PLCL2: variants seen among roughly 807,000 people sequenced by gnomAD.
The protein encoded by PLCL2 is inactive phospholipase C-like protein 2.
A neutral mutation model predicts 79.6 loss-of-function variants in PLCL2; 4 were observed. The ratio of observed to expected loss-of-function variants is 0.05; its 90% CI spans 0.02 to 0.11. PLCL2 has a LOEUF of 0.11. Among genes scored for constraint, PLCL2 ranks in the 10% least tolerant of loss-of-function variants. The pLI is 1.00. For synonymous variants in PLCL2, 484 were observed against 457.7 expected (o/e 1.06, Z -0.73); for missense variants, 895 against 1,291.0 (o/e 0.69, Z 4.70).
intron 3 of PLCL2, among the ~76,000 whole-genome samples, chr3:17,030,398 A>T (rs1413740551): frequency 6.6e-6 from 1 of 152,214 alleles, no homozygotes; most frequent in Non-Finnish European, 1.5e-5. Context: ...TGAAGCTTGA[A>T]GACCTTTGTG....
chr3:16,906,330 G>A lies in PLCL2; in HGVS notation c.327+20964G>A, dbSNP rs192761136. Among the ~76,000 whole-genome samples, 7 of 152,230 alleles carry A rather than the reference G, an allele frequency of 4.6e-5. No homozygotes were observed. In the East Asian group the frequency reaches 9.6e-4, roughly 21 times the overall value. ...TATAAGGAAGATGTGGAATATACAA[G>A]CGAATATGTTCTTTTTACTCTCAAT... On this transcript the variant is annotated intron_variant, in intron 1 of 5. Transcript: ENST00000615277.
chr3:16,950,028 CA>C (rs2063636180), intron 1 of PLCL2, among the ~76,000 whole-genome samples: 1 of 152,162 alleles, frequency 6.6e-6, no homozygotes. Context: ...GTACCAGTAT[CA>C]TGATGTTTTA....
At chr3:16,968,137 G>A (rs2063824589) in intron 1 of PLCL2, among the ~76,000 whole-genome samples, 2 of 152,076 alleles carry the variant, frequency 1.3e-5, no homozygotes, top group African/African-American at 2.4e-5. Flanking sequence ...AAGACAGCCA[G>A]TACCATGCTG....
chr3:17,002,823 A>C (rs1206790470), intron 1 of PLCL2, among the ~76,000 whole-genome samples: 1 of 151,802 alleles, frequency 6.6e-6, no homozygotes, highest in Non-Finnish European at 1.5e-5. Flanking sequence ...CATTTGGATA[A>C]TTTCTATTGA....
At chr3:16,950,364 T>C (rs996117355) in intron 1 of PLCL2, among the ~76,000 whole-genome samples, 2 of 152,176 alleles carry the variant, frequency 1.3e-5, no homozygotes, top group Non-Finnish European at 2.9e-5. Flanking sequence ...TAAATTGTTA[T>C]TTTGAATGGG....
chr3:16,984,197 A>T (rs138744664), intron 1 of PLCL2, among the ~76,000 whole-genome samples: 1,638 of 152,040 alleles, frequency 0.011, 32 homozygotes, highest in Admixed American at 0.046. Flanking sequence ...AATGAGGAAT[A>T]GCCTAAACAG....
chr3:16,951,062 T>C (rs776259388), intron 1 of PLCL2, among the ~76,000 whole-genome samples: 3 of 152,170 alleles, frequency 2.0e-5, no homozygotes, highest in Non-Finnish European at 2.9e-5. Context: ...CTGTCTAAAA[T>C]GTCAACAGTG....
At chr3:16,955,510 G>A (rs1363667819) in intron 1 of PLCL2, among the ~76,000 whole-genome samples, 1 of 152,156 alleles carries the variant, frequency 6.6e-6, no homozygotes, top group Non-Finnish European at 1.5e-5. Context: ...TGGCAATGCG[G>A]GCTCTTTTTT....
chr3:16,907,190 A>C (rs1001479423), intron 1 of PLCL2, among the ~76,000 whole-genome samples: 6 of 152,182 alleles, frequency 3.9e-5, no homozygotes, highest in Non-Finnish European at 8.8e-5. Context: ...TTATACCTCA[A>C]AATTTGTCAG....
chr3:17,002,487 A>G (rs7426838), intron 1 of PLCL2, among the ~76,000 whole-genome samples: 1 of 152,126 alleles, frequency 6.6e-6, no homozygotes, highest in African/African-American at 2.4e-5. Flanking sequence ...CATCTGAACT[A>G]GAATTCTTAT....
At chr3:16,902,130 C>T (rs918912499) in intron 1 of PLCL2, among the ~76,000 whole-genome samples, 4 of 152,236 alleles carry the variant, frequency 2.6e-5, no homozygotes, top group African/African-American at 7.2e-5. Context: ...CACATCCAAC[C>T]TTCCCTGTCT....
Position 16,890,947 on chromosome 3 carries a change from A to G in PLCL2, c.327+5581A>G, listed in dbSNP as rs184149146. On this transcript the variant is annotated intron_variant, in intron 1 of 5. Coordinates refer to ENST00000615277, the MANE Select transcript of PLCL2 (RefSeq NM_001144382.2). Reference sequence around the variant, plus strand: ...TATGTGAATGGTCCAGCCTTCTGGCAGGACACTTGGCACCCACCCATTCCA... The same window carrying G: ...TATGTGAATGGTCCAGCCTTCTGGCGGGACACTTGGCACCCACCCATTCCA... 1.7e-3 allele frequency among the ~76,000 whole-genome samples: 255 copies of G among 152,356 alleles called. 2 individuals carry two copies. Among genetic ancestry groups the G allele is most frequent in the African/African-American group, 5.9e-3 (245 of 41,576 alleles).
intron 3 of PLCL2, among the ~76,000 whole-genome samples, chr3:17,028,253 A>T (rs1258508701): frequency 6.6e-6 from 1 of 152,102 alleles, no homozygotes; most frequent in Non-Finnish European, 1.5e-5. Flanking sequence ...ACTTTCTCTC[A>T]AACTGTAAAA....
chr3:16,939,797 G>A (rs1319456851), intron 1 of PLCL2, among the ~76,000 whole-genome samples: 3 of 152,070 alleles, frequency 2.0e-5, no homozygotes, highest in South Asian at 2.1e-4. Flanking sequence ...TTTCCACTCC[G>A]TGTTTTCCTA....
chr3:17,075,213 T>C (rs2065097667), intron 5 of PLCL2, among the ~76,000 whole-genome samples: 1 of 152,162 alleles, frequency 6.6e-6, no homozygotes, highest in Non-Finnish European at 1.5e-5. Flanking sequence ...ATTTTCATAT[T>C]GTTATGTCTC....
intron 1 of PLCL2, among the ~76,000 whole-genome samples, chr3:16,976,837 A>G (rs2063931777): frequency 6.6e-6 from 1 of 152,146 alleles, no homozygotes; most frequent in African/African-American, 2.4e-5. Context: ...CTAGGGTGGC[A>G]TTTGGGTGGC....
chr3:16,962,303 CA>C (rs1347958472), intron 1 of PLCL2, among the ~76,000 whole-genome samples: 2 of 152,064 alleles, frequency 1.3e-5, no homozygotes, highest in Non-Finnish European at 2.9e-5. Flanking sequence ...AACTTCTGGT[CA>C]GTACAAGATG....
At chr3:16,941,754 A>C (rs1559492678) in intron 1 of PLCL2, among the ~76,000 whole-genome samples, 1 of 151,438 alleles carries the variant, frequency 6.6e-6, no homozygotes, top group Non-Finnish European at 1.5e-5. Context: ...ATTGTGACCC[A>C]TTTTTTTTAA....
chr3:16,932,910 T>C (rs1447415104), intron 1 of PLCL2, among the ~76,000 whole-genome samples: 1 of 152,238 alleles, frequency 6.6e-6, no homozygotes, highest in East Asian at 1.9e-4. Flanking sequence ...TTTTTCCTTC[T>C]TCTTCTTTTC....
Sources: gnomAD v4.1 joint callset for allele counts (sites outside exome capture counted in the v4.1 genomes callset) on GRCh38, gnomAD v4.1.1 for gene constraint, MANE v1.5 for transcripts, NCBI Gene and HGNC (gene_info 2026-07-23, HGNC 2026-07-21) for gene names.